KDSR: variants seen among roughly 807,000 people sequenced by gnomAD.
KDSR encodes the protein 3-ketodihydrosphingosine reductase.
In KDSR, 23 loss-of-function variants were observed where a neutral mutation model predicts 41.3. That is an observed-to-expected ratio of 0.56 (90% confidence interval 0.40 to 0.79). The LOEUF is 0.79. Among genes scored for constraint, KDSR ranks in the 30% least tolerant of loss-of-function variants. The pLI, the probability that KDSR is intolerant of heterozygous loss-of-function variation, is 0.00. For synonymous variants in KDSR, 138 were observed against 151.7 expected, an observed-to-expected ratio of 0.91 and a Z score of 0.66; for missense variants, 351 against 416.8, an observed-to-expected ratio of 0.84 and a Z score of 1.37.
At chr18:63,357,571 CATATAT>C (rs1174877359) in intron 3 of KDSR, among the ~76,000 whole-genome samples, 5 of 128,592 alleles carry the variant, frequency 3.9e-5, no homozygotes, top group Non-Finnish European at 4.7e-5. Context: ...TACATACATA[CATATAT>C]ATATATATAT....
At chr18:63,348,436 T>C (rs2144363113) in intron 6 of KDSR, among the ~76,000 whole-genome samples, 1 of 152,302 alleles carries the variant, frequency 6.6e-6, no homozygotes, top group Middle Eastern at 3.4e-3. Flanking sequence ...GCTACTATAA[T>C]TACTGTAGGG....
At chr18:63,363,246 G>T (rs2144383096) in intron 1 of KDSR, among the ~76,000 whole-genome samples, 3 of 120,890 alleles carry the variant, frequency 2.5e-5, no homozygotes, top group African/African-American at 6.5e-5. Context: ...TATACTCTAA[G>T]TTTTAGGGTA....
rs1914006965 is a variant in KDSR, at chr18:63,331,738, G to GT, written c.*43dup. ...ATTGGGTCCCATTTAGCAGCAAGCT[G>GT]TTCAAATTATTTGGAAACAGTCTTC... On this transcript the variant is annotated 3_prime_UTR_variant, in exon 10 of 10. Coordinates refer to ENST00000645214, the MANE Select transcript of KDSR (RefSeq NM_002035.4). The GT allele has an allele frequency of 6.3e-7, 1 of 1,599,576 alleles. No homozygotes were observed. Among genetic ancestry groups the GT allele is most frequent in the Admixed American group, 1.7e-5 (1 of 58,390 alleles).
Position 63,351,036 on chromosome 18 carries a change from C to T in KDSR, c.461G>A (p.Arg154Gln), listed in dbSNP as rs1038226452. 2.8e-5 allele frequency: 45 copies of T among 1,614,110 alleles called. No individual in the cohort carries two copies. Among genetic ancestry groups the T allele is most frequent in the East Asian group, 6.7e-5 (3 of 44,892 alleles). ...INYLGSVYPS[R>Q]AVITTMKERR... The stretch of plus-strand genomic sequence containing the variant: ...CTCCTTCATGGTGGTGATCACGGCC[C>T]GGCTGGGGTACACGCTGCCCAGGTA... Residue 154 changes from arginine (R) to glutamine (Q), a missense_variant, in exon 6 of 10, where the codon CGG becomes CAG. Transcript: ENST00000645214.
intron 1 of KDSR, among the ~76,000 whole-genome samples, chr18:63,364,153 A>G (rs1915069520): frequency 6.6e-6 from 1 of 152,152 alleles, no homozygotes; most frequent in Non-Finnish European, 1.5e-5. Flanking sequence ...CTCGCCCATC[A>G]AATCTCAGCT....
intron 6 of KDSR, among the ~76,000 whole-genome samples, chr18:63,348,203 G>A (rs1284392906): frequency 6.6e-6 from 1 of 151,972 alleles, no homozygotes; most frequent in African/African-American, 2.4e-5. Context: ...CAGCTACTTG[G>A]GAGGCTGAGG....
At chr18:63,338,603 T>C (rs1023230573) in intron 8 of KDSR, among the ~76,000 whole-genome samples, 197 bp downstream of exon 8, 1 of 152,218 alleles carries the variant, frequency 6.6e-6, no homozygotes, top group Non-Finnish European at 1.5e-5. Context: ...CAATCAGTTT[T>C]CAGGAGGCTA....
chr18:63,333,627 G>A (rs1914077559), intron 9 of KDSR, among the ~76,000 whole-genome samples: 1 of 152,138 alleles, frequency 6.6e-6, no homozygotes, highest in Non-Finnish European at 1.5e-5. Flanking sequence ...CAGACTCTGT[G>A]CAGCTAAACC....
At position 63,328,333 on chromosome 18, in the gene KDSR, G is replaced by T; in HGVS notation, c.*3449C>A. 1 of 171,458 alleles carries T rather than the reference G, an allele frequency of 5.8e-6. No individual in the cohort carries two copies. The highest frequency in any genetic ancestry group is 1.3e-5 in the Non-Finnish European group (1 of 79,988). The allele number at this position is 171,458 out of a possible 1,614,324, so 10.6% of individuals were successfully genotyped here. On this transcript the variant is annotated 3_prime_UTR_variant, in exon 10 of 10. Coordinates refer to ENST00000645214, the MANE Select transcript of KDSR (RefSeq NM_002035.4). ...ATGATCAATAATATATGGTTTAACA[G>T]ATCCAGATAAAGATTTTTTTTCTTT...
chr18:63,356,376 G>A (rs1914795521), intron 3 of KDSR, among the ~76,000 whole-genome samples: 1 of 151,104 alleles, frequency 6.6e-6, no homozygotes, highest in Non-Finnish European at 1.5e-5. Flanking sequence ...ACCAGCGTGG[G>A]CAACAGAGTG....
At chr18:63,358,814 C>CAA (rs10652370) in intron 3 of KDSR, among the ~76,000 whole-genome samples, 3 of 62,648 alleles carry the variant, frequency 4.8e-5, no homozygotes, top group South Asian at 1.7e-3. Flanking sequence ...GACTCTGTCT[C>CAA]AAAAAAAAAA....
chr18:63,357,004 T>C (rs1043233369), intron 3 of KDSR, among the ~76,000 whole-genome samples: 2 of 152,212 alleles, frequency 1.3e-5, no homozygotes, highest in Non-Finnish European at 2.9e-5. Flanking sequence ...AACAGCTCAA[T>C]AGCAGGGACC....
intron 9 of KDSR, among the ~76,000 whole-genome samples, chr18:63,332,580 C>G (rs1226054097): frequency 6.6e-6 from 1 of 152,098 alleles, no homozygotes; most frequent in Non-Finnish European, 1.5e-5. Flanking sequence ...GCCTGTAATC[C>G]CAGCACTTTG....
In KDSR at chr18:63,362,919, GGAA is replaced by G. The variant is rs774859690; in HGVS notation, c.109-54_109-52del. The G allele has an allele frequency of 8.5e-5, 109 of 1,283,360 alleles. No homozygotes were observed. The Admixed American group carries it at 9.2e-4, about 11-fold the overall frequency. 79.5% of individuals were successfully genotyped at this position (1,283,360 alleles called of 1,614,324 possible). On this transcript the variant is annotated intron_variant, in intron 1 of 9. Transcript: ENST00000645214. The stretch of plus-strand genomic sequence containing the variant: ...TAGCACTTGAAATCTCCCCTCTGTA[GGAA>G]GTTTTTATAAAAAACAACTATGACA...
intron 6 of KDSR, among the ~76,000 whole-genome samples, chr18:63,348,667 G>T (rs1043746151): frequency 2.0e-5 from 3 of 152,122 alleles, no homozygotes; most frequent in African/African-American, 7.2e-5. Context: ...TGTCACAGAG[G>T]TTGGGGGGCT....
intron 5 of KDSR, among the ~76,000 whole-genome samples, chr18:63,353,863 T>C (rs890663919): frequency 1.3e-5 from 2 of 151,846 alleles, no homozygotes; most frequent in Non-Finnish European, 2.9e-5. Flanking sequence ...GGCCGCCCTA[T>C]GGGTGATGCA....
At chr18:63,348,297 A>G (rs1292591108) in intron 6 of KDSR, among the ~76,000 whole-genome samples, 3 of 149,988 alleles carry the variant, frequency 2.0e-5, no homozygotes, top group African/African-American at 7.3e-5. Context: ...CAACAAAGCA[A>G]GACTCTGTCT....
chr18:63,350,932 A>G lies in KDSR; in HGVS notation c.565T>C (p.Ser189Pro). 6.2e-7 allele frequency: 1 copy of G among 1,614,054 alleles called. No homozygotes were observed. The highest frequency in any genetic ancestry group is 8.5e-7 in the Non-Finnish European group (1 of 1,179,970). Reference protein sequence around the residue: ...GLFGFTAYSASKFAIRGLAEA... With the variant: ...GLFGFTAYSAPKFAIRGLAEA... ...GCCAATCCCCTTATGGCAAACTTGG[A>G]TGCAGAGTAGGCTGTGAAACCGAAT... Residue 189 changes from serine to proline, a missense_variant, in exon 6 of 10, where the codon TCC (serine) becomes CCC (proline). Ser to Pro is a moderately conservative substitution (Grantham distance 74). Coordinates refer to ENST00000645214, the MANE Select transcript of KDSR (RefSeq NM_002035.4).
At chr18:63,343,828 A>G (rs1568278159) in intron 7 of KDSR, among the ~76,000 whole-genome samples, 1 of 152,066 alleles carries the variant, frequency 6.6e-6, no homozygotes, top group Non-Finnish European at 1.5e-5. Context: ...GGGAGAGATG[A>G]GGCAAAGGAT....
Sources: gnomAD v4.1 joint callset for allele counts (sites outside exome capture counted in the v4.1 genomes callset) on GRCh38, gnomAD v4.1.1 for gene constraint, MANE v1.5 for transcripts, NCBI Gene and HGNC (gene_info 2026-07-23, HGNC 2026-07-21) for gene names.